Variants in MBNL2 observed in about 807,000 individuals in gnomAD.
MBNL2 encodes muscleblind-like protein 2.
A neutral mutation model predicts 41.9 loss-of-function variants in MBNL2; 17 were observed. That is an observed-to-expected ratio of 0.41 (90% confidence interval 0.28 to 0.61). The LOEUF (loss-of-function observed/expected upper bound fraction) is 0.61. Among genes scored for constraint, MBNL2 ranks in the 20% least tolerant of loss-of-function variants. MBNL2 has a pLI of 0.35. For missense variants in MBNL2, 336 were observed against 505.6 expected (o/e 0.66, Z 3.22); for synonymous variants, 195 against 182.9 (o/e 1.07, Z -0.53).
intron 2 of MBNL2, among the ~76,000 whole-genome samples, chr13:97,279,399 T>C (rs137976831): frequency 2.1e-4 from 32 of 152,352 alleles, no homozygotes; most frequent in African/African-American, 7.2e-4. Flanking sequence ...GCATCCCACA[T>C]AGTTAGTCCA....
At chr13:97,181,934 T>C in the MBNL2 span, among the ~76,000 whole-genome samples, 1 of 152,212 alleles carries the variant, frequency 6.6e-6, no homozygotes, top group Non-Finnish European at 1.5e-5. Context: ...CTTCCATCAA[T>C]GGATACAGAA....
chr13:97,290,085 C>T lies in MBNL2; in HGVS notation c.174+13676C>T, dbSNP rs1340049613. Among the ~76,000 whole-genome samples the T allele has an allele frequency of 2.6e-5, 4 of 152,312 alleles. No homozygotes were observed. In the East Asian group the frequency reaches 7.7e-4, roughly 29 times the overall value. ...TATAAAAGTCTCCCCATTGCAATCC[C>T]TCATGGAGTTCCCAAACCAGTTCTG... On this transcript the variant is annotated intron_variant, in intron 2 of 8. Transcript: ENST00000679496.
the MBNL2 span, among the ~76,000 whole-genome samples, chr13:97,215,544 T>C: frequency 6.6e-6 from 1 of 152,216 alleles, no homozygotes; most frequent in Non-Finnish European, 1.5e-5. Flanking sequence ...GAACAGGAAA[T>C]GAGAGTTGTG....
chr13:97,278,258 A>C (rs2052600119), intron 2 of MBNL2, among the ~76,000 whole-genome samples: 1 of 148,358 alleles, frequency 6.7e-6, no homozygotes, highest in South Asian at 2.1e-4. Context: ...TCTCAAAAAA[A>C]AAAAAAAAAA....
chr13:97,192,748 C>A, the MBNL2 span, among the ~76,000 whole-genome samples: 1 of 152,114 alleles, frequency 6.6e-6, no homozygotes, highest in African/African-American at 2.4e-5. Context: ...GGCCACAGTT[C>A]GAAAAACATA....
At chr13:97,380,450 C>T (rs528493269) in intron 8 of MBNL2, among the ~76,000 whole-genome samples, 6 of 152,018 alleles carry the variant, frequency 3.9e-5, no homozygotes, top group Admixed American at 2.0e-4. Context: ...GCCAAGATTG[C>T]GCCTTTGCAC....
intron 5 of MBNL2, 122 bp from the exon 6 acceptor site, chr13:97,356,674 C>T: frequency 6.0e-6 from 2 of 332,900 alleles, no homozygotes; most frequent in South Asian, 3.2e-5. Flanking sequence ...TTTTCCTTCT[C>T]ACCTATCCAC....
chr13:97,218,334 C>T (rs1382388553), upstream of MBNL2, among the ~76,000 whole-genome samples: 2 of 150,680 alleles, frequency 1.3e-5, no homozygotes, highest in East Asian at 2.0e-4. Flanking sequence ...GGCGTGAACC[C>T]GGGAGGCGGA....
chr13:97,335,285 CT>C (rs35438891), intron 3 of MBNL2, among the ~76,000 whole-genome samples: 19,095 of 140,896 alleles, frequency 0.14, 1,175 homozygotes, highest in Admixed American at 0.18. Context: ...GAAACAAGCT[CT>C]TTTTTTTTTT....
chr13:97,267,905 C>T (rs951177873), intron 1 of MBNL2, among the ~76,000 whole-genome samples: 5 of 152,184 alleles, frequency 3.3e-5, no homozygotes, highest in African/African-American at 9.7e-5. Flanking sequence ...CAGCAGGATG[C>T]CTGGCACACA....
chr13:97,285,847 A>G (rs181580867), intron 2 of MBNL2, among the ~76,000 whole-genome samples: 359 of 152,210 alleles, frequency 2.4e-3, no homozygotes, highest in Non-Finnish European at 4.2e-3. Flanking sequence ...ACCTCACCTC[A>G]TTGGCCACTC....
chr13:97,300,260 T>C (rs908832887), intron 2 of MBNL2, among the ~76,000 whole-genome samples: 8 of 152,176 alleles, frequency 5.3e-5, no homozygotes, highest in Admixed American at 4.6e-4. Context: ...AAGATGACCA[T>C]GTACCCAACC....
chr13:97,298,999 G>A (rs2057342441), intron 2 of MBNL2, among the ~76,000 whole-genome samples: 2 of 152,174 alleles, frequency 1.3e-5, no homozygotes, highest in Non-Finnish European at 2.9e-5. Flanking sequence ...ATAGTGAAGA[G>A]AATAGCTTGT....
the MBNL2 span, among the ~76,000 whole-genome samples, chr13:97,168,064 C>A: frequency 6.6e-6 from 1 of 152,140 alleles, no homozygotes; most frequent in Non-Finnish European, 1.5e-5. Flanking sequence ...CTCCCAGTTT[C>A]ACGTGATTCT....
At chr13:97,331,347 G>A (rs148699202) in intron 2 of MBNL2, among the ~76,000 whole-genome samples, 5 of 152,272 alleles carry the variant, frequency 3.3e-5, no homozygotes, top group East Asian at 1.9e-4. Context: ...AGAAAAGGTC[G>A]AGCCAAGTTA....
chr13:97,226,873 T>A (rs1296253842), intron 1 of MBNL2, among the ~76,000 whole-genome samples: 1 of 151,972 alleles, frequency 6.6e-6, no homozygotes, highest in Non-Finnish European at 1.5e-5. Context: ...AAGCTGTAAA[T>A]ACCAGCCAAC....
intron 1 of MBNL2, among the ~76,000 whole-genome samples, chr13:97,236,417 G>A (rs1161570362): frequency 6.6e-6 from 1 of 152,018 alleles, no homozygotes; most frequent in African/African-American, 2.4e-5. Context: ...GGTGCTCCTG[G>A]GGCTCTGCTA....
intron 1 of MBNL2, among the ~76,000 whole-genome samples, chr13:97,235,442 C>T (rs1393815441): frequency 2.0e-5 from 3 of 152,110 alleles, no homozygotes; most frequent in Non-Finnish European, 4.4e-5. Flanking sequence ...TTTTTGGAAA[C>T]ATTGACGACC....
chr13:97,371,521 G>A (rs147426524), intron 8 of MBNL2, among the ~76,000 whole-genome samples: 7 of 152,236 alleles, frequency 4.6e-5, no homozygotes, highest in East Asian at 1.9e-4. Context: ...CGGCTGCAGC[G>A]TAGGTTTGAT....
Sources: allele counts gnomAD v4.1 joint callset (sites outside exome capture counted in the v4.1 genomes callset), GRCh38; gene constraint gnomAD v4.1.1; transcripts MANE v1.5; gene names NCBI Gene and HGNC (gene_info 2026-07-23, HGNC 2026-07-21).